SLC43A1: variants seen among roughly 807,000 people sequenced by gnomAD.
SLC43A1 encodes the protein large neutral amino acids transporter small subunit 3.
Under a neutral mutation model 59.5 loss-of-function variants are expected in SLC43A1, and 31 were observed. That is an observed-to-expected ratio of 0.52 (90% CI 0.39 to 0.70). The LOEUF (loss-of-function observed/expected upper bound fraction) is 0.70, where lower values mean the gene tolerates loss of function less well. Ranked by LOEUF, SLC43A1 falls within the 30% of genes least tolerant of loss-of-function variation. The pLI, the probability that SLC43A1 is intolerant of heterozygous loss-of-function variation, is 0.00. For missense variants in SLC43A1, 598 were observed against 717.8 expected (o/e 0.83, Z 1.91); for synonymous variants, 259 against 290.9 (o/e 0.89, Z 1.12).
intron 13 of SLC43A1, 23 bp downstream of exon 13, chr11:57,488,893 G>A (rs961455114): frequency 1.9e-6 from 3 of 1,603,352 alleles, no homozygotes; most frequent in Non-Finnish European, 2.6e-6. Context: ...GCTCAGGAAG[G>A]CATTTCAGCC....
chr11:57,507,755 T>G (rs1239564166), intron 2 of SLC43A1, among the ~76,000 whole-genome samples: 1 of 152,216 alleles, frequency 6.6e-6, no homozygotes, highest in Non-Finnish European at 1.5e-5. Context: ...GGAAGAAAGG[T>G]TGACAATTGT....
chr11:57,508,375 G>A (rs1342637655), intron 2 of SLC43A1, among the ~76,000 whole-genome samples: 3 of 152,130 alleles, frequency 2.0e-5, no homozygotes. Context: ...ACACACTATG[G>A]CAACACAGAT....
intron 13 of SLC43A1, among the ~76,000 whole-genome samples, 161 bp downstream of exon 13, chr11:57,488,755 T>C (rs1943814168): frequency 6.6e-6 from 1 of 152,160 alleles, no homozygotes; most frequent in African/African-American, 2.4e-5. Context: ...GGGAGTCAAT[T>C]ACAGCAGGAT....
chr11:57,489,281 G>A lies in SLC43A1; in HGVS notation c.1305C>T (p.Ile435=), dbSNP rs758343478. The A allele has an allele frequency of 6.2e-7, 1 of 1,614,200 alleles. No individual in the cohort carries two copies. Among genetic ancestry groups the A allele is most frequent in the South Asian group, 1.1e-5 (1 of 91,088 alleles). Residue 435 remains isoleucine, a synonymous_variant, in exon 12 of 15, where the codon ATC becomes ATT. Coordinates refer to ENST00000278426, the MANE Select transcript of SLC43A1 (RefSeq NM_003627.6). ...GGTGTAAGTTGTTGATGAGACAGGT[G>A]ATGCCAAAACCCACAAGCAGCAGGT... is the stretch of plus-strand genomic sequence containing the variant. ...LTNLLLVGFG[I]TCLINNLHLQ... is the part of the protein sequence containing the mutation.
At chr11:57,485,334 G>T in intron 14 of SLC43A1, 92 bp from the exon 15 acceptor site, 1 of 1,228,952 alleles carries the variant, frequency 8.1e-7, no homozygotes, top group South Asian at 1.6e-5. Context: ...TTTTCTCCAG[G>T]TCCTGAGCCA....
chr11:57,510,761 G>A (rs181133652), intron 2 of SLC43A1, among the ~76,000 whole-genome samples: 2 of 152,052 alleles, frequency 1.3e-5, no homozygotes, highest in African/African-American at 2.4e-5. Context: ...GGGAGGCCGA[G>A]GGGGGTGGAT....
intron 8 of SLC43A1, among the ~76,000 whole-genome samples, chr11:57,492,138 G>A (rs950764098): frequency 6.6e-6 from 1 of 151,502 alleles, no homozygotes; most frequent in East Asian, 1.9e-4. Context: ...AAAGGCAGAG[G>A]TAGGAGGATC....
chr11:57,509,137 A>C (rs1944463722), intron 2 of SLC43A1, among the ~76,000 whole-genome samples: 2 of 151,610 alleles, frequency 1.3e-5, no homozygotes. Flanking sequence ...ACAAAGAAAA[A>C]ATTCACTTTG....
intron 8 of SLC43A1, 25 bp from the exon 9 acceptor site, chr11:57,491,887 CT>C (rs745679984): frequency 8.1e-6 from 13 of 1,611,296 alleles, no homozygotes; most frequent in Non-Finnish European, 6.8e-6. Flanking sequence ...GGGGGCGCCC[CT>C]GAGCCCCAGA....
chr11:57,496,235 C>T, intron 6 of SLC43A1, 71 bp from the exon 7 acceptor site: 2 of 1,549,370 alleles, frequency 1.3e-6, no homozygotes, highest in Non-Finnish European at 1.7e-6. Context: ...AGATCCCAGG[C>T]CTCAGAGGCC....
At chr11:57,510,351 A>G (rs1345698955) in intron 2 of SLC43A1, among the ~76,000 whole-genome samples, 1 of 149,892 alleles carries the variant, frequency 6.7e-6, no homozygotes, top group East Asian at 2.0e-4. Context: ...CCATCTACTC[A>G]GGAGGCTGAG....
In SLC43A1 at chr11:57,509,505, T is replaced by C. The variant is rs1944471629; in HGVS notation, c.154+4453A>G. 3.3e-5 allele frequency among the ~76,000 whole-genome samples: 5 copies of C among 151,648 alleles called. No homozygotes were observed. The South Asian group carries it at 1.0e-3, about 32-fold the overall frequency. ...CAGGAGGCTGAGGCAGGAGAATTGC[T>C]TGAACCCAGGAGGCAGAGGTTGCAG... is the stretch of plus-strand genomic sequence containing the variant. On this transcript the variant is annotated intron_variant, in intron 2 of 14. Coordinates refer to ENST00000278426, the MANE Select transcript of SLC43A1 (RefSeq NM_003627.6).
Position 57,514,267 on chromosome 11 carries a change from C to CAGCTCCTTGGCACCGGCT in SLC43A1, c.-13-144_-13-143insAGCCGGTGCCAAGGAGCT. 9.8e-7 allele frequency: 1 copy of CAGCTCCTTGGCACCGGCT among 1,025,466 alleles called. No individual in the cohort carries two copies. The allele number at this position is 1,025,466 out of a possible 1,614,324, so 63.5% of individuals were successfully genotyped here. A position where few individuals can be genotyped will look rare whatever the true frequency, so the allele number is the denominator to read the frequency against. ...CCCATAGAGCCCTGGGCTTCCCAGC[C>CAGCTCCTTGGCACCGGCT]GGTGCCAAGGAGCTGGCTCCGCGCG... On this transcript the variant is annotated intron_variant, in intron 1 of 14. Transcript: ENST00000278426. The surrounding 1 kb of genome is among the most constrained non-coding windows in gnomAD (Gnocchi z 5.5).
chr11:57,498,045 A>G (rs1166590060), intron 5 of SLC43A1, among the ~76,000 whole-genome samples, 200 bp from the exon 6 acceptor site: 6 of 152,352 alleles, frequency 3.9e-5, no homozygotes, highest in Admixed American at 3.3e-4. Flanking sequence ...AAAGGCTCCC[A>G]GACACCCCTC....
chr11:57,497,841 G>A lies in SLC43A1; in HGVS notation c.470C>T (p.Pro157Leu). The A allele has an allele frequency of 6.2e-7, 1 of 1,612,722 alleles. No individual in the cohort carries two copies. The highest frequency in any genetic ancestry group is 2.2e-5 in the East Asian group (1 of 44,880). ...ICLTFTSLTL[P>L]NMFGNLRSTL... ...GGAGCGCAGGTTCCCAAACATGTTGGGCAGCTGAGGAGGGAAAGCAGCACC... is the reference window on the plus strand; with the variant it reads ...GGAGCGCAGGTTCCCAAACATGTTGAGCAGCTGAGGAGGGAAAGCAGCACC... Residue 157 changes from proline (P) to leucine (L), a missense_variant, in exon 6 of 15, where the codon CCC (proline) becomes CTC (leucine). Transcript: ENST00000278426.
In SLC43A1 at chr11:57,501,185, C is replaced by T. The variant is rs776178522; in HGVS notation, c.299G>A (p.Arg100His). The T allele has an allele frequency of 8.7e-6, 14 of 1,612,204 alleles. No individual in the cohort carries two copies. The highest frequency in any genetic ancestry group is 1.6e-4 in the Middle Eastern group (1 of 6,084). Reference protein sequence around the residue: ...TTLPLGILMDRFGPRPVRLVG... With the variant: ...TTLPLGILMDHFGPRPVRLVG... ...CAGCCGCACGGGTCGGGGGCCAAAGCGGTCCATGAGGATCCCCAGTGGCAG... is the reference window on the plus strand; with the variant it reads ...CAGCCGCACGGGTCGGGGGCCAAAGTGGTCCATGAGGATCCCCAGTGGCAG... Residue 100 changes from arginine to histidine, a missense_variant, in exon 3 of 15, where the codon CGC becomes CAC. Transcript: ENST00000278426.
intron 14 of SLC43A1, among the ~76,000 whole-genome samples, chr11:57,485,706 C>A (rs146028584): frequency 5.9e-5 from 9 of 152,166 alleles, no homozygotes; most frequent in African/African-American, 2.2e-4. Context: ...CCAGGACACG[C>A]GGGCTCTGAC....
chr11:57,490,299 A>AC (rs1943861440), intron 11 of SLC43A1, among the ~76,000 whole-genome samples: 1 of 150,192 alleles, frequency 6.7e-6, no homozygotes, highest in Non-Finnish European at 1.5e-5. Flanking sequence ...ACAGAGCAAG[A>AC]CTGTCTCAAT....
rs1231383447 is a variant in SLC43A1 at position 57,491,378 on chromosome 11, A to G, written c.1055-16T>C. 2 of 1,579,442 alleles carry G rather than the reference A, an allele frequency of 1.3e-6. No homozygotes were observed. Among genetic ancestry groups the G allele is most frequent in the Admixed American group, 3.5e-5 (2 of 56,826 alleles). ...TAGAACCCAACTGGGCAGGATGGGA[A>G]GGGCAGTGGGGTCAGGAACTGGCAC... On this transcript the variant is annotated splice_polypyrimidine_tract_variant and intron_variant, in intron 10 of 14. Coordinates refer to ENST00000278426, the MANE Select transcript of SLC43A1 (RefSeq NM_003627.6).
Sources: allele counts gnomAD v4.1 joint callset (sites outside exome capture counted in the v4.1 genomes callset), GRCh38; gene constraint gnomAD v4.1.1; non-coding constraint Gnocchi (gnomAD v3.1); transcripts MANE v1.5; gene names NCBI Gene and HGNC (gene_info 2026-07-23, HGNC 2026-07-21).